Variants in IL1RAPL1 observed in about 807,000 individuals in gnomAD.
IL1RAPL1 encodes interleukin 1 receptor accessory protein like 1.
Under a neutral mutation model 48.4 loss-of-function variants are expected in IL1RAPL1, and 3 were observed. The observed-to-expected ratio is 0.06, with a 90% CI of 0.03 to 0.16. The LOEUF is 0.16. IL1RAPL1 is among the 10% of genes least tolerant of loss of function. The probability of loss-of-function intolerance (pLI) is 1.00; values close to 1 mark genes in which losing one functional copy is unlikely to be tolerated. For missense variants in IL1RAPL1, 349 were observed against 530.6 expected (o/e 0.66, Z 3.36); for synonymous variants, 185 against 187.7 (o/e 0.99, Z 0.12).
intron 5 of IL1RAPL1, among the ~76,000 whole-genome samples, chrX:29,632,477 CT>C (rs1397717343): frequency 7.2e-5 from 8 of 111,661 alleles, no homozygotes; most frequent in Non-Finnish European, 1.3e-4. Flanking sequence ...ATTTATTTCA[CT>C]GAATTCTAGG....
chrX:29,114,843 T>G (rs1423303077), intron 2 of IL1RAPL1, among the ~76,000 whole-genome samples: 1 of 111,031 alleles, frequency 9.0e-6, no homozygotes, highest in African/African-American at 3.3e-5. Flanking sequence ...TTGGTCAGGC[T>G]GGTCTCAAAC....
chrX:29,156,131 C>T (rs1218829484), intron 2 of IL1RAPL1, among the ~76,000 whole-genome samples: 1 of 111,359 alleles, frequency 9.0e-6, no homozygotes, highest in Non-Finnish European at 1.9e-5. Context: ...GCAAATTTTC[C>T]AAGGGCTCTT....
chrX:29,789,735 A>G (rs1167467989), intron 6 of IL1RAPL1, among the ~76,000 whole-genome samples: 1 of 109,572 alleles, frequency 9.1e-6, no homozygotes, highest in Admixed American at 9.8e-5. Context: ...AACTGGTGAA[A>G]AAAAAATCTC....
At chrX:29,295,226 C>T (rs1021263788) in intron 3 of IL1RAPL1, among the ~76,000 whole-genome samples, 2 of 111,788 alleles carry the variant, frequency 1.8e-5, no homozygotes, top group Non-Finnish European at 3.8e-5. Flanking sequence ...AGCAAGAGGC[C>T]TATCTTAATG....
At chrX:29,801,009 A>AC (rs1929868742) in intron 6 of IL1RAPL1, among the ~76,000 whole-genome samples, 1 of 32,220 alleles carries the variant, frequency 3.1e-5, no homozygotes, top group South Asian at 2.5e-3. Context: ...TCAAAAAAAA[A>AC]AAAAAAAAAA....
intron 1 of IL1RAPL1, among the ~76,000 whole-genome samples, chrX:28,707,499 A>G (rs1398891121): frequency 8.9e-6 from 1 of 112,184 alleles, no homozygotes; most frequent in Admixed American, 9.5e-5. Context: ...TACTCCAGAA[A>G]CATCTCTTAC....
intron 6 of IL1RAPL1, among the ~76,000 whole-genome samples, chrX:29,855,842 C>T (rs1264544486): frequency 9.0e-6 from 1 of 110,744 alleles, no homozygotes; most frequent in Non-Finnish European, 1.9e-5. Flanking sequence ...AGGACAATGT[C>T]TGTCTCATGT....
chrX:29,684,035 C>T (rs1437240869), intron 6 of IL1RAPL1, among the ~76,000 whole-genome samples: 2 of 111,795 alleles, frequency 1.8e-5, no homozygotes, highest in African/African-American at 6.5e-5. Flanking sequence ...AGGATAAATG[C>T]TTGAGGGGAT....
At chrX:29,703,055 G>T (rs1356859016) in intron 6 of IL1RAPL1, among the ~76,000 whole-genome samples, 3 of 111,728 alleles carry the variant, frequency 2.7e-5, no homozygotes, top group Non-Finnish European at 5.6e-5. Context: ...TATCGGAGAG[G>T]TCAATAATAA....
intron 6 of IL1RAPL1, among the ~76,000 whole-genome samples, chrX:29,850,864 G>A (rs917100569): frequency 3.6e-5 from 4 of 111,907 alleles, no homozygotes; most frequent in Non-Finnish European, 5.6e-5. Context: ...ACTTCATCTC[G>A]AACTTCGAGC....
intron 2 of IL1RAPL1, among the ~76,000 whole-genome samples, chrX:29,238,013 G>A (rs1359903048): frequency 8.9e-6 from 1 of 112,259 alleles, no homozygotes; most frequent in Non-Finnish European, 1.9e-5. Flanking sequence ...GAGAACAGCT[G>A]AATGAAGTCA....
intron 3 of IL1RAPL1, among the ~76,000 whole-genome samples, chrX:29,306,685 A>T (rs1345663553): frequency 9.4e-6 from 1 of 105,891 alleles, no homozygotes; most frequent in Non-Finnish European, 1.9e-5. Flanking sequence ...ATATGGTAAA[A>T]CCCCATCTCT....
intron 5 of IL1RAPL1, among the ~76,000 whole-genome samples, chrX:29,520,465 G>A (rs1030484939): frequency 2.7e-5 from 3 of 111,388 alleles, no homozygotes; most frequent in African/African-American, 6.5e-5. Context: ...GGTATTTAGC[G>A]TTTTTAAATT....
intron 6 of IL1RAPL1, among the ~76,000 whole-genome samples, chrX:29,841,522 C>A (rs1022896433): frequency 9.0e-6 from 1 of 111,300 alleles, no homozygotes; most frequent in Non-Finnish European, 1.9e-5. Flanking sequence ...GCAAGCTATA[C>A]CCTTGATGAC....
At chrX:28,881,872 G>C (rs1446407124) in intron 2 of IL1RAPL1, among the ~76,000 whole-genome samples, 1 of 110,615 alleles carries the variant, frequency 9.0e-6, no homozygotes, top group African/African-American at 3.3e-5. Context: ...TATATGAAGA[G>C]AGACTACGGG....
chrX:29,502,168 G>GT (rs1935282507), intron 5 of IL1RAPL1, among the ~76,000 whole-genome samples: 3 of 110,681 alleles, frequency 2.7e-5, no homozygotes, highest in Non-Finnish European at 3.8e-5. Flanking sequence ...TATTTATTTG[G>GT]TTTTTTTGTA....
At chrX:29,580,942 G>T (rs772486765) in intron 5 of IL1RAPL1, among the ~76,000 whole-genome samples, 1 of 111,946 alleles carries the variant, frequency 8.9e-6, no homozygotes, top group Admixed American at 9.5e-5. Context: ...GACTCATTCT[G>T]TCTTAATCTA....
chrX:29,566,439 AAATT>A (rs898165225), intron 5 of IL1RAPL1, among the ~76,000 whole-genome samples: 2 of 111,679 alleles, frequency 1.8e-5, no homozygotes, highest in Non-Finnish European at 3.8e-5. Flanking sequence ...CATAAAAAAA[AAATT>A]AAAACACAAA....
chrX:29,328,662 G>C (rs1425053587), intron 3 of IL1RAPL1, among the ~76,000 whole-genome samples: 1 of 108,669 alleles, frequency 9.2e-6, no homozygotes, highest in Non-Finnish European at 1.9e-5. Context: ...GAGAGAGAGA[G>C]AGAGACAGAG....
Sources: allele counts gnomAD v4.1 joint callset (sites outside exome capture counted in the v4.1 genomes callset), GRCh38; gene constraint gnomAD v4.1.1; transcripts MANE v1.5; gene names NCBI Gene and HGNC (gene_info 2026-07-23, HGNC 2026-07-21).